The following ANKRD12 variants were observed in gnomAD, a reference collection of about 807,000 sequenced individuals.
The protein encoded by ANKRD12 is ankyrin repeat domain-containing protein 12.
In ANKRD12, 85 loss-of-function variants were observed where a neutral mutation model predicts 183.4. The ratio of observed to expected loss-of-function variants is 0.46; its 90% CI spans 0.39 to 0.56. The LOEUF is 0.56. ANKRD12 is among the 20% of genes least tolerant of loss of function. The pLI is 0.00. For synonymous variants in ANKRD12, 914 were observed against 800.2 expected, an observed-to-expected ratio of 1.14 and a Z score of -2.40; for missense variants, 2,405 against 2,357.1, an observed-to-expected ratio of 1.02 and a Z score of -0.42.
intron 1 of ANKRD12, among the ~76,000 whole-genome samples, chr18:9,147,451 C>CA (rs908265549): frequency 6.6e-6 from 1 of 151,894 alleles, no homozygotes; most frequent in South Asian, 2.1e-4. Flanking sequence ...AAATAAAATA[C>CA]AAAAAAATTT....
chr18:9,239,493 A>G, intron 8 of ANKRD12: 1 of 1,283,708 alleles, frequency 7.8e-7, no homozygotes, highest in Non-Finnish European at 1.0e-6. Flanking sequence ...TATTTTCCAC[A>G]TGGTGAATGT....
chr18:9,252,606 G>C (rs1159009784), intron 8 of ANKRD12, among the ~76,000 whole-genome samples: 1 of 152,222 alleles, frequency 6.6e-6, no homozygotes, highest in Non-Finnish European at 1.5e-5. Context: ...TCAAATTGAT[G>C]AATCAGGATC....
intron 8 of ANKRD12, among the ~76,000 whole-genome samples, chr18:9,226,920 C>T (rs558468320): frequency 6.6e-5 from 10 of 152,138 alleles, no homozygotes; most frequent in South Asian, 2.1e-4. Flanking sequence ...CCAGATTATC[C>T]GCAGAGATGG....
chr18:9,164,159 G>T (rs575535865), intron 1 of ANKRD12, among the ~76,000 whole-genome samples: 15 of 152,236 alleles, frequency 9.9e-5, no homozygotes, highest in Admixed American at 4.6e-4. Flanking sequence ...CTGTGGGTTT[G>T]TCATATATGG....
intron 8 of ANKRD12, among the ~76,000 whole-genome samples, chr18:9,241,669 T>C (rs1310298539): frequency 6.6e-6 from 1 of 152,218 alleles, no homozygotes; most frequent in Non-Finnish European, 1.5e-5. Context: ...TATTCTTTAA[T>C]GAACACTTCA....
intron 1 of ANKRD12, among the ~76,000 whole-genome samples, chr18:9,155,852 T>C (rs997585544): frequency 6.6e-6 from 1 of 152,168 alleles, no homozygotes; most frequent in African/African-American, 2.4e-5. Flanking sequence ...TTTTCTGATT[T>C]CTGTTTATGA....
intron 8 of ANKRD12, among the ~76,000 whole-genome samples, chr18:9,233,688 A>G (rs1182239365): frequency 6.6e-6 from 1 of 152,184 alleles, no homozygotes; most frequent in African/African-American, 2.4e-5. Context: ...GCTATAAACA[A>G]TGTCATTGGT....
In ANKRD12 at chr18:9,211,791, C is replaced by G. The variant is rs868166453; in HGVS notation, c.652+7C>G. 5 of 1,609,350 alleles carry G rather than the reference C, an allele frequency of 3.1e-6. No individual in the cohort carries two copies. In the Middle Eastern group the frequency reaches 8.3e-4, roughly 267 times the overall value. On this transcript the variant is annotated splice_region_variant and intron_variant, in intron 6 of 12. Transcript: ENST00000262126. ...AATGTGAAAGATTTTGCAGGTAAGA[C>G]TAGTAATTCAATACCTACTATTCAG... is the stretch of plus-strand genomic sequence containing the variant.
chr18:9,204,621 A>G (rs929047408), intron 4 of ANKRD12, 77 bp downstream of exon 4: 7 of 1,098,592 alleles, frequency 6.4e-6, no homozygotes, highest in Non-Finnish European at 7.9e-6. Context: ...ACTATAAGTA[A>G]CTTACTTTCA....
intron 2 of ANKRD12, among the ~76,000 whole-genome samples, chr18:9,185,058 C>T (rs974535078): frequency 2.0e-5 from 3 of 152,004 alleles, no homozygotes; most frequent in African/African-American, 4.8e-5. Context: ...AGGATGAATC[C>T]GTATTTGACC....
chr18:9,246,611 A>C (rs778441358), intron 8 of ANKRD12, among the ~76,000 whole-genome samples: 2 of 152,242 alleles, frequency 1.3e-5, no homozygotes, highest in Non-Finnish European at 2.9e-5. Context: ...TCAATCTTAT[A>C]GTACAATGTT....
intron 8 of ANKRD12, among the ~76,000 whole-genome samples, chr18:9,250,844 G>A (rs924552589): frequency 2.0e-5 from 3 of 152,182 alleles, no homozygotes; most frequent in Non-Finnish European, 2.9e-5. Flanking sequence ...GGTATGCCAC[G>A]GAGGTGAGGA....
At chr18:9,192,148 C>T (rs1166422496) in intron 2 of ANKRD12, among the ~76,000 whole-genome samples, 1 of 152,082 alleles carries the variant, frequency 6.6e-6, no homozygotes, top group East Asian at 1.9e-4. Context: ...GTTGGTCTCA[C>T]CATATAATAA....
chr18:9,206,334 A>G (rs1472820597), intron 4 of ANKRD12, among the ~76,000 whole-genome samples: 3 of 152,060 alleles, frequency 2.0e-5, no homozygotes, highest in African/African-American at 7.2e-5. Context: ...TTTAAGTATT[A>G]TTTAATCACC....
At position 9,239,490 on chromosome 18, in the gene ANKRD12, C is replaced by T. The variant is rs1325510280; in HGVS notation, c.944-14721C>T. 6.2e-6 allele frequency: 8 copies of T among 1,281,268 alleles called. No individual in the cohort carries two copies. In the East Asian group the frequency reaches 3.9e-4, roughly 62 times the overall value. The allele number at this position is 1,281,268 out of a possible 1,614,324, so 79.4% of individuals were successfully genotyped here. ...TTGATTTTTCAGAATATTTATTTTC[C>T]ACATGGTGAATGTGCCTGAATTATT... On this transcript the variant is annotated intron_variant, in intron 8 of 12. Transcript: ENST00000262126.
chr18:9,224,711 C>CTA (rs915618889), intron 8 of ANKRD12, among the ~76,000 whole-genome samples: 2 of 152,048 alleles, frequency 1.3e-5, no homozygotes, highest in Non-Finnish European at 2.9e-5. Context: ...GAAGTGCTGA[C>CTA]TATATATATG....
In ANKRD12 at chr18:9,154,171, C is replaced by A. The variant is rs906860927; in HGVS notation, c.-52+17206C>A. 2.0e-5 allele frequency among the ~76,000 whole-genome samples: 3 copies of A among 152,080 alleles called. No individual in the cohort carries two copies. The East Asian group carries it at 5.8e-4, about 29-fold the overall frequency. On this transcript the variant is annotated intron_variant, in intron 1 of 12. Coordinates refer to ENST00000262126, the MANE Select transcript of ANKRD12 (RefSeq NM_015208.5). ...ACAGTGATTCAAGCCTGTAATCCCCCAGCACTTTGGGAGGCCGAGGCAGGA... is the reference window on the plus strand; with the variant it reads ...ACAGTGATTCAAGCCTGTAATCCCCAAGCACTTTGGGAGGCCGAGGCAGGA...
chr18:9,159,473 C>T (rs1265179805), intron 1 of ANKRD12, among the ~76,000 whole-genome samples: 1 of 152,020 alleles, frequency 6.6e-6, no homozygotes, highest in African/African-American at 2.4e-5. Context: ...GCTCTGTCGC[C>T]CAGGCTGGGG....
intron 8 of ANKRD12, among the ~76,000 whole-genome samples, chr18:9,249,083 A>G (rs566848178): frequency 1.3e-5 from 2 of 152,298 alleles, no homozygotes; most frequent in South Asian, 2.1e-4. Flanking sequence ...AACATTAAGC[A>G]CTTACTATGT....
Sources: gnomAD v4.1 joint callset for allele counts (sites outside exome capture counted in the v4.1 genomes callset) on GRCh38, gnomAD v4.1.1 for gene constraint, MANE v1.5 for transcripts, NCBI Gene and HGNC (gene_info 2026-07-23, HGNC 2026-07-21) for gene names.